MATN2: variants seen among roughly 807,000 people sequenced by gnomAD.
The protein encoded by MATN2 is matrilin-2.
A neutral mutation model predicts 103.2 loss-of-function variants in MATN2; 69 were observed. That is an observed-to-expected ratio of 0.67 (90% CI 0.55 to 0.82). MATN2 has a LOEUF of 0.82. MATN2 is among the 40% of genes least tolerant of loss of function. The pLI is 0.00. For synonymous variants in MATN2, 429 were observed against 450.2 expected, an observed-to-expected ratio of 0.95 and a Z score of 0.60; for missense variants, 1,023 against 1,211.5, an observed-to-expected ratio of 0.84 and a Z score of 2.31.
chr8:98,032,676 C>A (rs1356567870), intron 16 of MATN2, among the ~76,000 whole-genome samples: 1 of 152,066 alleles, frequency 6.6e-6, no homozygotes, highest in Non-Finnish European at 1.5e-5. Context: ...GAATTACAGG[C>A]ACCCACCACC....
At chr8:97,929,982 G>A (rs1056018078) in intron 2 of MATN2, among the ~76,000 whole-genome samples, 1 of 152,306 alleles carries the variant, frequency 6.6e-6, no homozygotes, top group Admixed American at 6.5e-5. Flanking sequence ...ACTAATTCCT[G>A]CCTGCAACTC....
chr8:97,882,763 A>T (rs534655594), intron 1 of MATN2, among the ~76,000 whole-genome samples: 83 of 151,888 alleles, frequency 5.5e-4, no homozygotes, highest in African/African-American at 1.9e-3. Context: ...TTGTTTTTAA[A>T]TTTTTTCATA....
intron 1 of MATN2, among the ~76,000 whole-genome samples, chr8:97,876,468 C>T (rs187914979): frequency 9.6e-4 from 146 of 152,194 alleles, no homozygotes; most frequent in Non-Finnish European, 1.6e-3. Flanking sequence ...GGATTACAAG[C>T]ATGAGCCACC....
chr8:97,941,790 C>T lies in MATN2; in HGVS notation c.726C>T (p.Cys242=). ...FQKKLCTAHM[C]STLEHNCAHF... ...CTTCCCTTTCAGCGGCCCATATGTGCAGCACCCTGGAGCATAACTGTGCCC... is the reference window on the plus strand; with the variant it reads ...CTTCCCTTTCAGCGGCCCATATGTGTAGCACCCTGGAGCATAACTGTGCCC... The change falls in exon 4 of 19, where the codon TGC becomes TGT. Residue 242 remains cysteine, a synonymous_variant. Coordinates refer to ENST00000254898, the MANE Select transcript of MATN2 (RefSeq NM_002380.5). The T allele has an allele frequency of 6.2e-7, 1 of 1,600,346 alleles. No individual in the cohort carries two copies. The highest frequency in any genetic ancestry group is 8.5e-7 in the Non-Finnish European group (1 of 1,173,416).
chr8:97,951,394 C>T (rs1178152146), intron 4 of MATN2, among the ~76,000 whole-genome samples: 2 of 152,272 alleles, frequency 1.3e-5, no homozygotes, highest in Non-Finnish European at 1.5e-5. Flanking sequence ...GCTTTTCCTC[C>T]GCTTGGCTGT....
rs71570278 is a variant in MATN2, at chr8:97,980,558, C to CTTTTTT, written c.1081+1569_1081+1574dup. Reference sequence around the variant, plus strand: ...GCCTACTGCATAGCATTATTCTTTCCTTTTTTTTTTTTTTTTTTTTTTTTG... The same window carrying CTTTTTT: ...GCCTACTGCATAGCATTATTCTTTCCTTTTTTTTTTTTTTTTTTTTTTTTTTTTTTG... On this transcript the variant is annotated intron_variant, in intron 6 of 18. Coordinates refer to ENST00000254898, the MANE Select transcript of MATN2 (RefSeq NM_002380.5). Among the ~76,000 whole-genome samples, 31 of 94,092 alleles carry CTTTTTT rather than the reference C, an allele frequency of 3.3e-4. 1 individual carries two copies. Among genetic ancestry groups the CTTTTTT allele is most frequent in the African/African-American group, 8.3e-4 (18 of 21,814 alleles). The allele number at this position is 94,092 out of a possible 152,430, so 61.7% of individuals were successfully genotyped here.
At chr8:97,933,744 C>T (rs1810279293) in intron 3 of MATN2, among the ~76,000 whole-genome samples, 2 of 152,142 alleles carry the variant, frequency 1.3e-5, no homozygotes, top group South Asian at 2.1e-4. Flanking sequence ...CTGTGAGTCC[C>T]CCCATCCACT....
intron 11 of MATN2, among the ~76,000 whole-genome samples, 186 bp downstream of exon 11, chr8:98,016,848 A>G (rs1813381278): frequency 6.6e-6 from 1 of 152,254 alleles, no homozygotes; most frequent in Non-Finnish European, 1.5e-5. Context: ...AAATGTCAAT[A>G]AAATATAGAC....
chr8:98,017,898 ATCCAGTAGCTGAC>A, intron 11 of MATN2, 83 bp from the exon 12 acceptor site: 1 of 1,407,844 alleles, frequency 7.1e-7, no homozygotes, highest in Non-Finnish European at 9.9e-7. Context: ...GGCAGATAGA[ATCCAGTAGCTGAC>A]TCCAGTGGAT....
chr8:97,890,789 A>T (rs557576524), intron 2 of MATN2, among the ~76,000 whole-genome samples: 1 of 152,324 alleles, frequency 6.6e-6, no homozygotes, highest in African/African-American at 2.4e-5. Context: ...CACTGGCATG[A>T]TGGATTTTAC....
chr8:97,878,177 C>T (rs1048066605), intron 1 of MATN2, among the ~76,000 whole-genome samples: 1 of 152,130 alleles, frequency 6.6e-6, no homozygotes, highest in African/African-American at 2.4e-5. Flanking sequence ...TGTGACTTAA[C>T]TGATACATTA....
Position 98,035,759 on chromosome 8 carries a change from A to C in MATN2, c.*47A>C. On this transcript the variant is annotated 3_prime_UTR_variant, in exon 19 of 19. Transcript: ENST00000254898. ...TTGTAGTCATTGTATCACGGATTAC[A>C]ATGAACGCAGTGCAGAGCCCCAAAG... 7.5e-7 allele frequency: 1 copy of C among 1,333,332 alleles called. No individual in the cohort carries two copies. Among genetic ancestry groups the C allele is most frequent in the Non-Finnish European group, 1.1e-6 (1 of 945,774 alleles). 82.6% of individuals were successfully genotyped at this position (1,333,332 alleles called of 1,614,324 possible). A position where few individuals can be genotyped will look rare whatever the true frequency, so the allele number is the denominator to read the frequency against.
At chr8:97,892,553 T>C (rs1818668940) in intron 2 of MATN2, among the ~76,000 whole-genome samples, 1 of 152,208 alleles carries the variant, frequency 6.6e-6, no homozygotes, top group African/African-American at 2.4e-5. Flanking sequence ...TTTCGTTAGA[T>C]TATATGAAAA....
At chr8:98,019,054 T>C (rs539712857) in intron 12 of MATN2, among the ~76,000 whole-genome samples, 2 of 148,836 alleles carry the variant, frequency 1.3e-5, no homozygotes, top group East Asian at 3.9e-4. Flanking sequence ...ATATATATAA[T>C]ATATATATGT....
intron 10 of MATN2, among the ~76,000 whole-genome samples, chr8:98,012,472 A>G (rs989908804): frequency 7.9e-5 from 12 of 152,152 alleles, no homozygotes; most frequent in African/African-American, 2.9e-4. Context: ...GAGTGAGTAC[A>G]GTGAGCCAGC....
intron 8 of MATN2, among the ~76,000 whole-genome samples, chr8:98,006,351 T>C (rs765900285): frequency 6.6e-6 from 1 of 152,258 alleles, no homozygotes; most frequent in Non-Finnish European, 1.5e-5. Context: ...ATAATAATAG[T>C]GTGTTCATTA....
Position 97,870,464 on chromosome 8 carries a change from G to C in MATN2, c.-27+1177G>C, listed in dbSNP as rs138053203. On this transcript the variant is annotated intron_variant, in intron 1 of 18. Coordinates refer to ENST00000254898, the MANE Select transcript of MATN2 (RefSeq NM_002380.5). ...ACCCAGGAGGCAGAGATTGCAGTGA[G>C]CGGAGATGGTGCCATTGCACTCCAG... 6.6e-3 allele frequency among the ~76,000 whole-genome samples: 997 copies of C among 152,206 alleles called. 11 individuals are homozygous for C. The highest frequency in any genetic ancestry group is 0.023 in the African/African-American group (962 of 41,526).
chr8:97,901,418 A>G (rs1286432617), intron 2 of MATN2, among the ~76,000 whole-genome samples: 3 of 152,018 alleles, frequency 2.0e-5, no homozygotes, highest in Admixed American at 6.6e-5. Flanking sequence ...ACACCAGGCT[A>G]CTTTTTGTAT....
In MATN2 at chr8:97,977,233, CTCA is replaced by C. The variant is rs1811867821; in HGVS notation, c.959-1652_959-1650del. Among the ~76,000 whole-genome samples, 4 of 50,302 alleles carry C rather than the reference CTCA, an allele frequency of 8.0e-5. No homozygotes were observed. The Admixed American group carries it at 1.4e-3, about 18-fold the overall frequency. 33.0% of individuals were successfully genotyped at this position (50,302 alleles called of 152,430 possible). On this transcript the variant is annotated intron_variant, in intron 5 of 18. Transcript: ENST00000254898. ...CCTGGGAGACAAAGTGAGACCCTGT[CTCA>C]AAAAAAAAAAAAAAAAAAAAAAAAA...
Sources: gnomAD v4.1 joint callset for allele counts (sites outside exome capture counted in the v4.1 genomes callset) on GRCh38, gnomAD v4.1.1 for gene constraint, MANE v1.5 for transcripts, NCBI Gene and HGNC (gene_info 2026-07-23, HGNC 2026-07-21) for gene names.